Variants in GAPVD1 observed in about 807,000 individuals in gnomAD.
GAPVD1 encodes the protein GTPase activating protein and VPS9 domains 1.
Under a neutral mutation model 155.5 loss-of-function variants are expected in GAPVD1, and 35 were observed. The ratio of observed to expected loss-of-function variants is 0.23; its 90% CI spans 0.17 to 0.30. GAPVD1 has a LOEUF of 0.30. GAPVD1 is among the 10% of genes least tolerant of loss of function. The probability of loss-of-function intolerance (pLI) is 1.00; values close to 1 mark genes in which losing one functional copy is unlikely to be tolerated. For synonymous variants in GAPVD1, 636 were observed against 619.7 expected, an observed-to-expected ratio of 1.03 and a Z score of -0.39; for missense variants, 1,429 against 1,775.7, an observed-to-expected ratio of 0.80 and a Z score of 3.51.
intron 2 of GAPVD1, among the ~76,000 whole-genome samples, chr9:125,286,306 G>GT (rs1450475582): frequency 2.6e-5 from 4 of 151,422 alleles, no homozygotes; most frequent in African/African-American, 4.9e-5. Flanking sequence ...TGTTTTCTTT[G>GT]TTTTTTATTT....
chr9:125,279,309 G>A (rs996389539), intron 2 of GAPVD1, among the ~76,000 whole-genome samples: 4 of 151,840 alleles, frequency 2.6e-5, no homozygotes, highest in Non-Finnish European at 5.9e-5. Flanking sequence ...AATGGCTCAC[G>A]CCTGTAATCG....
intron 11 of GAPVD1, 59 bp downstream of exon 11, chr9:125,323,982 G>T: frequency 1.3e-6 from 2 of 1,501,920 alleles, no homozygotes; most frequent in South Asian, 1.2e-5. Flanking sequence ...ATTGCAAGAT[G>T]AGCAGTGTGT....
At chr9:125,320,623 A>AT (rs893586493) in intron 9 of GAPVD1, among the ~76,000 whole-genome samples, 7 of 151,726 alleles carry the variant, frequency 4.6e-5, no homozygotes, top group African/African-American at 1.2e-4. Context: ...TTATTTATTG[A>AT]TTTTTTATTT....
intron 27 of GAPVD1, 139 bp downstream of exon 27, chr9:125,360,864 C>T (rs1850807011): frequency 1.5e-6 from 1 of 657,200 alleles, no homozygotes; most frequent in South Asian, 1.9e-5. Context: ...TGCCTAATGT[C>T]AAGATTTGTT....
chr9:125,299,119 T>C lies in GAPVD1; in HGVS notation c.185+13T>C, dbSNP rs367735993. The C allele has an allele frequency of 7.5e-5, 112 of 1,493,446 alleles. No individual in the cohort carries two copies. The African/African-American group carries it at 1.3e-3, about 17-fold the overall frequency. 92.5% of individuals were successfully genotyped at this position (1,493,446 alleles called of 1,614,324 possible). ...TTATCATAACCAGGTAAAGAGATGATTTTCAGGTTTTAAGTTTTGTGAACC... is the reference window on the plus strand; with the variant it reads ...TTATCATAACCAGGTAAAGAGATGACTTTCAGGTTTTAAGTTTTGTGAACC... On this transcript the variant is annotated intron_variant, in intron 4 of 27. Coordinates refer to ENST00000297933, the MANE Select transcript of GAPVD1 (RefSeq NM_001282680.3).
At chr9:125,274,942 A>C (rs1835521782) in intron 2 of GAPVD1, among the ~76,000 whole-genome samples, 1 of 152,150 alleles carries the variant, frequency 6.6e-6, no homozygotes, top group South Asian at 2.1e-4. Flanking sequence ...CTCTTGCTCC[A>C]GCGTTTAACT....
intron 21 of GAPVD1, among the ~76,000 whole-genome samples, 179 bp downstream of exon 21, chr9:125,349,698 T>A (rs1436941377): frequency 6.6e-6 from 1 of 152,036 alleles, no homozygotes; most frequent in East Asian, 1.9e-4. Flanking sequence ...AAGGTGTTAA[T>A]TCAAGGATTT....
chr9:125,277,483 G>C (rs548345115), intron 2 of GAPVD1, among the ~76,000 whole-genome samples: 1 of 152,294 alleles, frequency 6.6e-6, no homozygotes, highest in South Asian at 2.1e-4. Context: ...GTGAAAACTA[G>C]TAGAAATTGT....
chr9:125,351,091 C>A (rs1034467075), intron 23 of GAPVD1, among the ~76,000 whole-genome samples: 1 of 152,170 alleles, frequency 6.6e-6, no homozygotes, highest in Admixed American at 6.5e-5. Context: ...ACTTACAGTT[C>A]CATGTGGCTG....
At chr9:125,303,093 C>T (rs1438703465) in intron 5 of GAPVD1, among the ~76,000 whole-genome samples, 13 of 152,098 alleles carry the variant, frequency 8.5e-5, no homozygotes, top group Non-Finnish European at 1.3e-4. Context: ...GGCGCAATCT[C>T]AGCTCACTGC....
intron 4 of GAPVD1, 135 bp downstream of exon 4, chr9:125,299,241 G>A (rs993611292): frequency 5.8e-6 from 3 of 520,320 alleles, no homozygotes; most frequent in Admixed American, 7.2e-5. Flanking sequence ...GTTAAGGTGA[G>A]TCTTTGCTTA....
rs1171865604 is a variant in GAPVD1 at position 125,355,685 on chromosome 9, G to A, written c.3799G>A (p.Val1267Ile). 6.2e-7 allele frequency: 1 copy of A among 1,613,756 alleles called. No homozygotes were observed. The highest frequency in any genetic ancestry group is 8.5e-7 in the Non-Finnish European group (1 of 1,179,718). Residue 1267 changes from valine to isoleucine, a missense_variant, in exon 25 of 28, where the codon GTA (valine) becomes ATA (isoleucine). Val to Ile is a conservative substitution (Grantham distance 29, BLOSUM62 3). Around this residue, in one of 4 missense-constraint regions of GAPVD1, gnomAD observed 699 missense variants for 826.0 expected, o/e 0.85. Coordinates refer to ENST00000297933, the MANE Select transcript of GAPVD1 (RefSeq NM_001282680.3). ...LTAADDKTAQ[V>I]EDFLQFLYGA... Reference sequence around the variant, plus strand: ...CGCAGCTGACGATAAAACTGCTCAGGTAGAAGATTTTCTGCAGTTTCTTTA... The same window carrying A: ...CGCAGCTGACGATAAAACTGCTCAGATAGAAGATTTTCTGCAGTTTCTTTA...
chr9:125,337,015 T>C lies in GAPVD1; in HGVS notation c.2429-3T>C, dbSNP rs943827836. On this transcript the variant is annotated splice_region_variant and splice_polypyrimidine_tract_variant and intron_variant, in intron 15 of 27. Transcript: ENST00000297933. Reference sequence around the variant, plus strand: ...TGGTCTCACAGTTTCCCTCCTGTTTTAGGTGCCCACCAGCTGACCTCTCCT... The same window carrying C: ...TGGTCTCACAGTTTCCCTCCTGTTTCAGGTGCCCACCAGCTGACCTCTCCT... 1.3e-6 allele frequency: 2 copies of C among 1,598,646 alleles called. No individual in the cohort carries two copies. Among genetic ancestry groups the C allele is most frequent in the Middle Eastern group, 1.7e-4 (1 of 5,930 alleles).
intron 20 of GAPVD1, among the ~76,000 whole-genome samples, chr9:125,347,648 A>G (rs187167464): frequency 2.0e-4 from 31 of 152,008 alleles, no homozygotes; most frequent in African/African-American, 6.8e-4. Flanking sequence ...TGATCCCAGG[A>G]GGCGGAGGTT....
At chr9:125,294,020 C>G (rs1839419074) in intron 2 of GAPVD1, among the ~76,000 whole-genome samples, 1 of 150,198 alleles carries the variant, frequency 6.7e-6, no homozygotes, top group Admixed American at 6.8e-5. Context: ...TCAAGCGATT[C>G]TTCTGCCCTA....
chr9:125,305,822 T>C (rs1841703581), intron 6 of GAPVD1, among the ~76,000 whole-genome samples: 1 of 151,974 alleles, frequency 6.6e-6, no homozygotes, highest in Admixed American at 6.6e-5. Context: ...CCCGGCTAAG[T>C]GTTTTTATTG....
In GAPVD1 at chr9:125,307,703, A is replaced by G; in HGVS notation, c.1264A>G (p.Lys422Glu). 6.2e-7 allele frequency: 1 copy of G among 1,613,360 alleles called. No homozygotes were observed. Residue 422 changes from lysine to glutamate, a missense_variant, in exon 8 of 28, where the codon AAG becomes GAG. Coordinates refer to ENST00000297933, the MANE Select transcript of GAPVD1 (RefSeq NM_001282680.3). ...TTGCTTTTGCCAGGTGAATTTTATG[A>G]AGAGTGTGATGTCTGGAGATCAACT... is the stretch of plus-strand genomic sequence containing the variant. ...SQLITLVNFM[K>E]SVMSGDQLRE... is the part of the protein sequence containing the mutation.
chr9:125,288,897 T>C (rs555299930), intron 2 of GAPVD1, among the ~76,000 whole-genome samples: 3 of 152,266 alleles, frequency 2.0e-5, no homozygotes, highest in Non-Finnish European at 2.9e-5. Flanking sequence ...GTGTGTGGCA[T>C]AGTAGAGGCT....
intron 8 of GAPVD1, chr9:125,309,360 G>A (rs1842322669): frequency 6.6e-6 from 1 of 151,374 alleles, no homozygotes; most frequent in African/African-American, 2.4e-5. Context: ...TTGAGATGGA[G>A]TCCCCCTCTT....
Sources: allele counts gnomAD v4.1 joint callset (sites outside exome capture counted in the v4.1 genomes callset), GRCh38; gene constraint gnomAD v4.1.1; regional missense constraint gnomAD v4.1.1; transcripts MANE v1.5; gene names NCBI Gene and HGNC (gene_info 2026-07-23, HGNC 2026-07-21).